The following CACHD1 variants were observed in gnomAD, a reference collection of about 807,000 sequenced individuals.
The protein encoded by CACHD1 is cache domain containing 1, also known as VWFA and cache domain-containing protein 1.
Under a neutral mutation model 138.7 loss-of-function variants are expected in CACHD1, and 71 were observed. The observed-to-expected ratio is 0.51, with a 90% CI of 0.42 to 0.62. The LOEUF is 0.62. CACHD1 is among the 20% of genes least tolerant of loss of function. CACHD1 has a pLI of 0.00. For missense variants in CACHD1, 1,389 were observed against 1,625.3 expected (o/e 0.85, Z 2.50); for synonymous variants, 578 against 591.5 (o/e 0.98, Z 0.33).
In CACHD1 at chr1:64,470,151, G is replaced by C. The variant is rs1272359435; in HGVS notation, c.-594G>C. On this transcript the variant is annotated 5_prime_UTR_variant, in exon 1 of 27. Transcript: ENST00000651257. This position sits in a 1 kb window ranked among gnomAD's most constrained non-coding sequence, Gnocchi z 5.2. ...CCCAGCCGGGAAGTGCACAGAGCCGGAGCGCAGCGTGGTGGCACCAGACGC... is the reference window on the plus strand; with the variant it reads ...CCCAGCCGGGAAGTGCACAGAGCCGCAGCGCAGCGTGGTGGCACCAGACGC... Among the ~76,000 whole-genome samples the C allele has an allele frequency of 2.0e-5, 3 of 152,168 alleles. No homozygotes were observed. The highest frequency in any genetic ancestry group is 7.2e-5 in the African/African-American group (3 of 41,552).
chr1:64,578,169 A>G (rs1646983957), intron 2 of CACHD1, among the ~76,000 whole-genome samples: 1 of 152,242 alleles, frequency 6.6e-6, no homozygotes, highest in Non-Finnish European at 1.5e-5. Flanking sequence ...TGTCTGAGGC[A>G]CCGCAGCGAG....
chr1:64,654,796 G>A lies in CACHD1; in HGVS notation c.1775G>A (p.Trp592Ter). Residue 592 changes from tryptophan to a stop codon, truncating the protein, a stop_gained, in exon 12 of 27, where the codon TGG becomes TAG. Coordinates refer to ENST00000651257, the MANE Select transcript of CACHD1 (RefSeq NM_020925.4). LOFTEE classifies it high-confidence loss of function. ...GAAGCCTACAATGTTAGCTATGCCT[G>A]GAAGATGGTGAGTGAGAGGAAGTTG... Reference protein sequence around the residue: ...GKEAYNVSYAWKMVQDTSFIL... With the variant: ...GKEAYNVSYA 1.2e-6 allele frequency: 2 copies of A among 1,607,022 alleles called. No homozygotes were observed. The highest frequency in any genetic ancestry group is 1.7e-6 in the Non-Finnish European group (2 of 1,173,662).
At position 64,516,630 on chromosome 1, in the gene CACHD1, G is replaced by A. The variant is rs149685560; in HGVS notation, c.199-33964G>A. Reference sequence around the variant, plus strand: ...TCCTTAAAACAGTCTTGCACGATAGGCATCATTATCTCTTGGTTTAGCTTA... The same window carrying A: ...TCCTTAAAACAGTCTTGCACGATAGACATCATTATCTCTTGGTTTAGCTTA... On this transcript the variant is annotated intron_variant, in intron 1 of 26. Coordinates refer to ENST00000651257, the MANE Select transcript of CACHD1 (RefSeq NM_020925.4). Among the ~76,000 whole-genome samples the A allele has an allele frequency of 1.5e-3, 225 of 152,248 alleles. 6 individuals are homozygous for A. Among genetic ancestry groups the A allele is most frequent in the African/African-American group, 4.8e-3 (201 of 41,550 alleles).
intron 8 of CACHD1, among the ~76,000 whole-genome samples, chr1:64,645,833 C>T (rs986006760): frequency 1.3e-5 from 2 of 152,194 alleles, no homozygotes; most frequent in Non-Finnish European, 2.9e-5. Context: ...CTGGAGCATT[C>T]TGGCCCCTCA....
At chr1:64,544,064 C>T (rs1368270596) in intron 1 of CACHD1, among the ~76,000 whole-genome samples, 3 of 151,992 alleles carry the variant, frequency 2.0e-5, no homozygotes, top group African/African-American at 4.8e-5. Context: ...CTTGCGATAA[C>T]AGTGGTGATC....
chr1:64,477,828 G>T (rs1646184867), intron 1 of CACHD1, among the ~76,000 whole-genome samples: 1 of 150,028 alleles, frequency 6.7e-6, no homozygotes, highest in Admixed American at 6.6e-5. Context: ...TAGAGACGGG[G>T]TTTCACCTTG....
intron 5 of CACHD1, among the ~76,000 whole-genome samples, chr1:64,632,275 AAAAG>A (rs1648336039): frequency 8.1e-6 from 1 of 123,286 alleles, no homozygotes; most frequent in South Asian, 2.8e-4. Context: ...AAAAAAAAAA[AAAAG>A]AGAGAAAAGC....
At chr1:64,644,130 C>G (rs1648827008) in intron 8 of CACHD1, among the ~76,000 whole-genome samples, 1 of 152,266 alleles carries the variant, frequency 6.6e-6, no homozygotes, top group South Asian at 2.1e-4. Context: ...TAGCACAGGA[C>G]TGAAAGCAGC....
chr1:64,483,815 G>A (rs369160654), intron 1 of CACHD1, among the ~76,000 whole-genome samples: 45 of 151,760 alleles, frequency 3.0e-4, no homozygotes, highest in Middle Eastern at 3.4e-3. Flanking sequence ...GGCCTTCACA[G>A]CTGTATGTGA....
intron 12 of CACHD1, among the ~76,000 whole-genome samples, chr1:64,656,341 T>C (rs545619484): frequency 7.2e-5 from 11 of 152,230 alleles, no homozygotes; most frequent in Non-Finnish European, 1.5e-4. Context: ...TTCTTTAGAA[T>C]GATAGCACCA....
At chr1:64,492,726 T>A (rs1291805404) in intron 1 of CACHD1, among the ~76,000 whole-genome samples, 1 of 152,178 alleles carries the variant, frequency 6.6e-6, no homozygotes, top group East Asian at 1.9e-4. Flanking sequence ...GTTATTTTTG[T>A]CTTCTGGCAC....
chr1:64,540,572 C>G (rs1444174279), intron 1 of CACHD1, among the ~76,000 whole-genome samples: 1 of 152,206 alleles, frequency 6.6e-6, no homozygotes. Context: ...AGTAACCCTT[C>G]AGAACCTTTA....
At chr1:64,521,968 C>T (rs1003432652) in intron 1 of CACHD1, among the ~76,000 whole-genome samples, 17 of 67,828 alleles carry the variant, frequency 2.5e-4, no homozygotes, top group Non-Finnish European at 3.4e-4. Flanking sequence ...TTTTTAATTT[C>T]GACAAAGTTT....
intron 3 of CACHD1, among the ~76,000 whole-genome samples, chr1:64,601,649 CGTGTTCTTAT>C (rs989932597): frequency 7.2e-5 from 11 of 152,314 alleles, no homozygotes; most frequent in East Asian, 5.8e-4. Flanking sequence ...ATCAGTTCCA[CGTGTTCTTAT>C]GTGTTCTTAT....
intron 17 of CACHD1, 127 bp downstream of exon 17, chr1:64,671,813 C>G: frequency 1.7e-6 from 2 of 1,151,206 alleles, no homozygotes; most frequent in Non-Finnish European, 1.3e-6. Flanking sequence ...GCCTGGGTGT[C>G]CTATTAAGAA....
At chr1:64,572,143 G>A (rs965224235) in intron 2 of CACHD1, among the ~76,000 whole-genome samples, 2 of 152,012 alleles carry the variant, frequency 1.3e-5, no homozygotes, top group Admixed American at 6.6e-5. Context: ...CCTTTCCCTC[G>A]TGATTAATAT....
At position 64,608,554 on chromosome 1, in the gene CACHD1, A is replaced by G. The variant is rs371165326; in HGVS notation, c.517+5642A>G. Reference sequence around the variant, plus strand: ...AAACCATTCTTAACTTCATTTGTCCAAAACTGGGTCGTGTGTCCATTCATC... The same window carrying G: ...AAACCATTCTTAACTTCATTTGTCCGAAACTGGGTCGTGTGTCCATTCATC... On this transcript the variant is annotated intron_variant, in intron 4 of 26. Coordinates refer to ENST00000651257, the MANE Select transcript of CACHD1 (RefSeq NM_020925.4). Among the ~76,000 whole-genome samples the G allele has an allele frequency of 3.3e-5, 5 of 152,330 alleles. No homozygotes were observed. The South Asian group carries it at 8.3e-4, about 25-fold the overall frequency.
intron 4 of CACHD1, among the ~76,000 whole-genome samples, chr1:64,612,078 C>T: frequency 6.6e-6 from 1 of 152,114 alleles, no homozygotes; most frequent in Middle Eastern, 3.2e-3. Context: ...TGAGAACTCA[C>T]TATCATGAGA....
Position 64,654,756 on chromosome 1 carries a change from A to G in CACHD1, c.1735A>G (p.Arg579Gly). The change falls in exon 12 of 27, where the codon AGA (arginine) becomes GGA (glycine). Residue 579 changes from arginine to glycine, a missense_variant. Transcript: ENST00000651257. ...CCTGTCTTGGCACATAAACAAGCTGAGAGAAACTGGAAAGGAAGCCTACAA... is the reference window on the plus strand; with the variant it reads ...CCTGTCTTGGCACATAAACAAGCTGGGAGAAACTGGAAAGGAAGCCTACAA... ...SSLSWHINKL[R>G]ETGKEAYNVS... 1 of 1,613,948 alleles carries G rather than the reference A, an allele frequency of 6.2e-7. No individual in the cohort carries two copies. The highest frequency in any genetic ancestry group is 1.1e-5 in the South Asian group (1 of 91,074).
Sources: allele counts gnomAD v4.1 joint callset (sites outside exome capture counted in the v4.1 genomes callset), GRCh38; gene constraint gnomAD v4.1.1; non-coding constraint Gnocchi (gnomAD v3.1); transcripts MANE v1.5; gene names NCBI Gene and HGNC (gene_info 2026-07-23, HGNC 2026-07-21).